Variants in DENND10 observed in about 807,000 individuals in gnomAD.
DENND10 encodes DENN domain containing 10, also known as DENN domain-containing protein 10.
In DENND10, 24 loss-of-function variants were observed where a neutral mutation model predicts 43.6. That is an observed-to-expected ratio of 0.55 (90% CI 0.40 to 0.77). DENND10 has a LOEUF of 0.77. Among genes scored for constraint, DENND10 ranks in the 30% least tolerant of loss-of-function variants. The pLI is 0.00. For synonymous variants in DENND10, 125 were observed against 157.6 expected, an observed-to-expected ratio of 0.79 and a Z score of 1.55; for missense variants, 303 against 429.9, an observed-to-expected ratio of 0.70 and a Z score of 2.61.
chr10:119,109,731 G>A (rs914029123), intron 2 of DENND10, among the ~76,000 whole-genome samples: 11 of 151,164 alleles, frequency 7.3e-5, no homozygotes, highest in African/African-American at 2.4e-4. Context: ...CGATTCTCCT[G>A]CCTCAGCGTC....
chr10:119,112,573 G>A (rs1366636028), intron 3 of DENND10, among the ~76,000 whole-genome samples: 3 of 146,342 alleles, frequency 2.0e-5, no homozygotes, highest in Non-Finnish European at 4.5e-5. Context: ...GCTCACTGCA[G>A]TCTTGACCTC....
chr10:119,128,799 G>T (rs980552153), intron 6 of DENND10, among the ~76,000 whole-genome samples: 6 of 152,036 alleles, frequency 3.9e-5, no homozygotes, highest in Admixed American at 3.9e-4. Context: ...AAAGGTGGGG[G>T]AAGGTGCCGT....
chr10:119,129,718 A>AT (rs1845999482), intron 7 of DENND10, 96 bp downstream of exon 7: 1 of 797,474 alleles, frequency 1.3e-6, no homozygotes, highest in Non-Finnish European at 2.2e-6. Flanking sequence ...GGGCTGGCTT[A>AT]CCAACTCTGC....
chr10:119,109,216 CAAAAAAAAAA>C (rs56064617), intron 2 of DENND10, among the ~76,000 whole-genome samples: 1 of 129,190 alleles, frequency 7.7e-6, no homozygotes, highest in East Asian at 2.3e-4. Flanking sequence ...AACTCCGTCT[CAAAAAAAAAA>C]AAAAAAGAAT....
At chr10:119,133,937 C>T (rs575661186) in intron 8 of DENND10, 3 of 152,284 alleles carry the variant, frequency 2.0e-5, no homozygotes, top group East Asian at 1.9e-4. Context: ...CTTAGTATGA[C>T]GTATGAGACC....
At chr10:119,111,064 C>A (rs1003073059) in intron 2 of DENND10, among the ~76,000 whole-genome samples, 2 of 151,772 alleles carry the variant, frequency 1.3e-5, no homozygotes, top group African/African-American at 4.8e-5. Flanking sequence ...AGTTCGAGAC[C>A]AGCCTGGCCA....
chr10:119,129,572 T>C lies in DENND10; in HGVS notation c.752T>C (p.Val251Ala), dbSNP rs2133524557. 2 of 1,613,980 alleles carry C rather than the reference T, an allele frequency of 1.2e-6. No homozygotes were observed. The highest frequency in any genetic ancestry group is 4.5e-5 in the East Asian group (2 of 44,884). The change falls in exon 7 of 9, where the codon GTG becomes GCG. Residue 251 changes from valine (V) to alanine (A), a missense_variant. Coordinates refer to ENST00000361432, the MANE Select transcript of DENND10 (RefSeq NM_207009.4). Reference sequence around the variant, plus strand: ...AGCAACAGACCAGACCTCTATGATGTGTTTGTGAATCTGGCAGAGAGTGAG... The same window carrying C: ...AGCAACAGACCAGACCTCTATGATGCGTTTGTGAATCTGGCAGAGAGTGAG... ...EVSNRPDLYD[V>A]FVNLAESEIT...
Position 119,132,647 on chromosome 10 carries a change from C to T in DENND10, c.897+38C>T, listed in dbSNP as rs762356058. On this transcript the variant is annotated intron_variant, in intron 8 of 8. Transcript: ENST00000361432. The surrounding 1 kb of genome is among the most constrained non-coding windows in gnomAD (Gnocchi z 4.2). ...CCTTCTGACTTACTGAAAGTCCTGA[C>T]CCGGTGTCGCTGGGTGGTGTGCGGC... is the stretch of plus-strand genomic sequence containing the variant. 1.3e-6 allele frequency: 2 copies of T among 1,538,198 alleles called. No homozygotes were observed. The highest frequency in any genetic ancestry group is 2.2e-5 in the South Asian group (2 of 89,614).
chr10:119,125,381 T>A (rs771444909), intron 6 of DENND10, among the ~76,000 whole-genome samples: 1 of 152,044 alleles, frequency 6.6e-6, no homozygotes, highest in Admixed American at 6.6e-5. Flanking sequence ...GGGGTACATA[T>A]GATGTTTTGA....
At chr10:119,110,883 C>G (rs1329119719) in intron 2 of DENND10, among the ~76,000 whole-genome samples, 1 of 152,060 alleles carries the variant, frequency 6.6e-6, no homozygotes, top group African/African-American at 2.4e-5. Flanking sequence ...AATTGCTATT[C>G]GACAGAGCTG....
chr10:119,131,693 AC>A (rs1228746536), intron 7 of DENND10, among the ~76,000 whole-genome samples: 4 of 152,208 alleles, frequency 2.6e-5, no homozygotes, highest in Non-Finnish European at 4.4e-5. Flanking sequence ...AATTAATAGA[AC>A]CATAACTGGC....
At chr10:119,111,714 G>A in intron 2 of DENND10, 135 bp from the exon 3 acceptor site, 1 of 630,524 alleles carries the variant, frequency 1.6e-6, no homozygotes, top group Middle Eastern at 3.6e-4. Context: ...AGAAGCAAGT[G>A]AGGACTTGTT....
intron 4 of DENND10, among the ~76,000 whole-genome samples, chr10:119,118,878 G>A (rs1407440140): frequency 7.5e-6 from 1 of 132,714 alleles, no homozygotes; most frequent in African/African-American, 2.9e-5. Flanking sequence ...GAGTCTCACT[G>A]TGTCACCCAG....
chr10:119,132,549 G>A lies in DENND10; in HGVS notation c.837G>A (p.Met279Ile), dbSNP rs369323471. 11 of 1,614,036 alleles carry A rather than the reference G, an allele frequency of 6.8e-6. No individual in the cohort carries two copies. The highest frequency in any genetic ancestry group is 8.5e-6 in the Non-Finnish European group (10 of 1,180,030). The change falls in exon 8 of 9, where the codon ATG (methionine) becomes ATA (isoleucine). Residue 279 changes from methionine (M) to isoleucine (I), a missense_variant. By Grantham distance (10) the Met-to-Ile change is conservative. Coordinates refer to ENST00000361432, the MANE Select transcript of DENND10 (RefSeq NM_207009.4). The surrounding 1 kb of genome is among the most constrained non-coding windows in gnomAD (Gnocchi z 4.2). ...AMAMGKLHKE[M>I]GQLIVQSAED... ...CAATGGGCAAACTGCACAAAGAAAT[G>A]GGTCAGCTAATTGTTCAGTCTGCAG... is the stretch of plus-strand genomic sequence containing the variant.
rs888694293 is a variant in DENND10, at chr10:119,119,262, C to T, written c.482-1079C>T. ...CAGGTGATCCGTCTGCCTCGGCCTC[C>T]CAAAGTGCTAGGATTCCAGGCATGA... On this transcript the variant is annotated intron_variant, in intron 4 of 8. Transcript: ENST00000361432. Among the ~76,000 whole-genome samples, 3 of 152,132 alleles carry T rather than the reference C, an allele frequency of 2.0e-5. No homozygotes were observed. In the South Asian group the frequency reaches 6.2e-4, roughly 32 times the overall value.
At chr10:119,135,401 C>CTT (rs1378588806) in intron 8 of DENND10, among the ~76,000 whole-genome samples, 1 of 151,956 alleles carries the variant, frequency 6.6e-6, no homozygotes, top group African/African-American at 2.4e-5. Flanking sequence ...AAAATGTAGT[C>CTT]TTTATATACA....
chr10:119,132,736 G>A lies in DENND10; in HGVS notation c.897+127G>A. On this transcript the variant is annotated intron_variant, in intron 8 of 8. Coordinates refer to ENST00000361432, the MANE Select transcript of DENND10 (RefSeq NM_207009.4). This position sits in a 1 kb window ranked among gnomAD's most constrained non-coding sequence, Gnocchi z 4.2. Reference sequence around the variant, plus strand: ...AGGCCAGCGGGCAGGTGCTTAGAGAGGGTTTACAGACGGCCACAGTGATGA... The same window carrying A: ...AGGCCAGCGGGCAGGTGCTTAGAGAAGGTTTACAGACGGCCACAGTGATGA... The A allele has an allele frequency of 1.3e-6, 1 of 767,734 alleles. No homozygotes were observed. Among genetic ancestry groups the A allele is most frequent in the Non-Finnish European group, 2.3e-6 (1 of 436,072 alleles). The allele number at this position is 767,734 out of a possible 1,614,324, so 47.6% of individuals were successfully genotyped here. A position where few individuals can be genotyped will look rare whatever the true frequency, so the allele number is the denominator to read the frequency against.
chr10:119,125,532 G>A (rs1331896238), intron 6 of DENND10, among the ~76,000 whole-genome samples: 2 of 116,034 alleles, frequency 1.7e-5, no homozygotes, highest in African/African-American at 3.3e-5. Flanking sequence ...TTTTGAGTTG[G>A]AGTCTCACTC....
chr10:119,107,952 C>A lies in DENND10; in HGVS notation c.56-16C>A. The A allele has an allele frequency of 5.0e-6, 8 of 1,612,154 alleles. No homozygotes were observed. The highest frequency in any genetic ancestry group is 1.7e-4 in the Middle Eastern group (1 of 6,060). On this transcript the variant is annotated splice_polypyrimidine_tract_variant and intron_variant, in intron 1 of 8. Coordinates refer to ENST00000361432, the MANE Select transcript of DENND10 (RefSeq NM_207009.4). Reference sequence around the variant, plus strand: ...TGCTGTTTGACATTCTCACAGTGACCATCTTTCCACCGTAGAAAAGGACAC... The same window carrying A: ...TGCTGTTTGACATTCTCACAGTGACAATCTTTCCACCGTAGAAAAGGACAC...
Sources: gnomAD v4.1 joint callset for allele counts (sites outside exome capture counted in the v4.1 genomes callset) on GRCh38, gnomAD v4.1.1 for gene constraint, Gnocchi (gnomAD v3.1) non-coding constraint, MANE v1.5 for transcripts, NCBI Gene and HGNC (gene_info 2026-07-23, HGNC 2026-07-21) for gene names.